Variants in FBXO4 observed in about 807,000 individuals in gnomAD.
FBXO4 encodes F-box only protein 4.
FBXO4 carries 36 observed loss-of-function variants against 43.7 expected under a neutral mutation model. The ratio of observed to expected loss-of-function variants is 0.82; its 90% CI spans 0.63 to 1.09. The LOEUF (loss-of-function observed/expected upper bound fraction) is 1.09. Among genes scored for constraint, FBXO4 ranks in the 50% least tolerant of loss-of-function variants. The probability of loss-of-function intolerance (pLI) is 0.00; values close to 1 mark genes in which losing one functional copy is unlikely to be tolerated. For synonymous variants in FBXO4, 180 were observed against 165.6 expected, an observed-to-expected ratio of 1.09 and a Z score of -0.67; for missense variants, 435 against 474.1, an observed-to-expected ratio of 0.92 and a Z score of 0.77.
the FBXO4 span, among the ~76,000 whole-genome samples, chr5:42,028,903 G>T: frequency 6.6e-6 from 1 of 151,434 alleles, no homozygotes; most frequent in African/African-American, 2.4e-5. Flanking sequence ...TACTATCTAT[G>T]TCTTGAAAAG....
the FBXO4 span, among the ~76,000 whole-genome samples, chr5:42,039,522 C>A: frequency 1.3e-5 from 2 of 151,970 alleles, no homozygotes; most frequent in Non-Finnish European, 2.9e-5. Flanking sequence ...AATGTTCTTC[C>A]CTTAAATATC....
At chr5:42,015,260 T>C in the FBXO4 span, among the ~76,000 whole-genome samples, 2 of 152,236 alleles carry the variant, frequency 1.3e-5, no homozygotes, top group Non-Finnish European at 2.9e-5. Flanking sequence ...TTGGGCATAC[T>C]GTTGAGATTT....
the FBXO4 span, among the ~76,000 whole-genome samples, chr5:41,999,439 ATATG>A: frequency 4.7e-4 from 61 of 130,460 alleles, no homozygotes; most frequent in African/African-American, 1.3e-3. Context: ...TATAAAATAT[ATATG>A]TGAGTGTGTG....
the FBXO4 span, among the ~76,000 whole-genome samples, chr5:41,977,804 T>A: frequency 6.6e-6 from 1 of 152,184 alleles, no homozygotes; most frequent in South Asian, 2.1e-4. Context: ...TATTCCAAAC[T>A]TTTCCTCATC....
At chr5:41,967,184 C>T in the FBXO4 span, 1 of 474,848 alleles carries the variant, frequency 2.1e-6, no homozygotes, top group Non-Finnish European at 4.2e-6. Context: ...ACTTTCCGTT[C>T]TTCAAGCCTC....
At chr5:41,995,519 T>G in the FBXO4 span, among the ~76,000 whole-genome samples, 1 of 152,206 alleles carries the variant, frequency 6.6e-6, no homozygotes, top group Admixed American at 6.5e-5. Flanking sequence ...GCTGAGCCCA[T>G]GCGCAACCTC....
At chr5:42,003,320 A>G in the FBXO4 span, among the ~76,000 whole-genome samples, 1 of 152,216 alleles carries the variant, frequency 6.6e-6, no homozygotes, top group Admixed American at 6.5e-5. Context: ...CAGACCTGAC[A>G]CATAAGACTT....
At chr5:41,945,307 G>A (rs1752061993), downstream of FBXO4, among the ~76,000 whole-genome samples, 1 of 152,168 alleles carries the variant, frequency 6.6e-6, no homozygotes, top group Non-Finnish European at 1.5e-5. Context: ...CATAGTAGAT[G>A]CTTGGTAAAT....
intron 2 of FBXO4, among the ~76,000 whole-genome samples, chr5:41,928,969 T>A (rs1042887138): frequency 6.6e-6 from 1 of 152,240 alleles, no homozygotes; most frequent in African/African-American, 2.4e-5. Flanking sequence ...ATTCTTAGTT[T>A]GCTAGGTTTG....
In FBXO4 at chr5:41,925,317, G is replaced by C; in HGVS notation, c.8G>C (p.Gly3Ala). 1 of 1,342,202 alleles carries C rather than the reference G, an allele frequency of 7.5e-7. No individual in the cohort carries two copies. Among genetic ancestry groups the C allele is most frequent in the Non-Finnish European group, 9.6e-7 (1 of 1,041,642 alleles). The allele number at this position is 1,342,202 out of a possible 1,614,324, so 83.1% of individuals were successfully genotyped here. Residue 3 changes from glycine to alanine, a missense_variant, in exon 1 of 7, where the codon GGA becomes GCA. Gly to Ala is a moderately conservative substitution (Grantham distance 60). Transcript: ENST00000281623. The part of the protein sequence containing the change: MA[G>A]SEPRSGTNSP... Reference sequence around the variant, plus strand: ...CCACGCTGCGGGCAAGCCATGGCGGGAAGCGAGCCGCGCAGCGGAACAAAC... The same window carrying C: ...CCACGCTGCGGGCAAGCCATGGCGGCAAGCGAGCCGCGCAGCGGAACAAAC...
At chr5:41,990,308 T>C in the FBXO4 span, among the ~76,000 whole-genome samples, 7 of 152,148 alleles carry the variant, frequency 4.6e-5, no homozygotes, top group Admixed American at 1.3e-4. Flanking sequence ...CAAAAAATAG[T>C]TCAGTGTGGT....
At chr5:41,942,117 A>G (rs1317940957), downstream of FBXO4, among the ~76,000 whole-genome samples, 2 of 152,088 alleles carry the variant, frequency 1.3e-5, no homozygotes, top group African/African-American at 4.8e-5. Context: ...TTTTGGACAG[A>G]AAGTTTGTAA....
At chr5:41,959,231 G>A in the FBXO4 span, among the ~76,000 whole-genome samples, 2 of 152,058 alleles carry the variant, frequency 1.3e-5, no homozygotes, top group Non-Finnish European at 2.9e-5. Context: ...TCAGTTTCAA[G>A]TCAGGTTATT....
the FBXO4 span, among the ~76,000 whole-genome samples, chr5:41,987,099 T>A: frequency 3.3e-5 from 5 of 152,162 alleles, no homozygotes; most frequent in African/African-American, 1.2e-4. Flanking sequence ...AATATGCTAT[T>A]ATCTAAGAAT....
the FBXO4 span, among the ~76,000 whole-genome samples, chr5:41,970,555 C>G: frequency 6.6e-6 from 1 of 151,264 alleles, no homozygotes; most frequent in Non-Finnish European, 1.5e-5. Context: ...TGATGATAAA[C>G]TGGTCATTGG....
At chr5:42,029,921 G>A in the FBXO4 span, among the ~76,000 whole-genome samples, 3 of 151,862 alleles carry the variant, frequency 2.0e-5, no homozygotes, top group Non-Finnish European at 4.4e-5. Flanking sequence ...TTCTCTGAAA[G>A]GAGAACTACA....
At chr5:41,969,465 A>C in the FBXO4 span, among the ~76,000 whole-genome samples, 1 of 152,162 alleles carries the variant, frequency 6.6e-6, no homozygotes, top group Non-Finnish European at 1.5e-5. Flanking sequence ...ATCTCAGACT[A>C]GATAATTTAA....
the FBXO4 span, among the ~76,000 whole-genome samples, chr5:41,952,947 T>G: frequency 1.3e-5 from 2 of 152,122 alleles, no homozygotes; most frequent in African/African-American, 4.8e-5. Context: ...TCTATCAGTT[T>G]TTTTCTTTTT....
the FBXO4 span, among the ~76,000 whole-genome samples, chr5:41,980,471 A>G: frequency 1.3e-5 from 2 of 152,172 alleles, no homozygotes; most frequent in African/African-American, 4.8e-5. Context: ...TCACCAATTT[A>G]TCAACATTCT....
Sources: allele counts gnomAD v4.1 joint callset (sites outside exome capture counted in the v4.1 genomes callset), GRCh38; gene constraint gnomAD v4.1.1; transcripts MANE v1.5; gene names NCBI Gene and HGNC (gene_info 2026-07-23, HGNC 2026-07-21).